ATP8A2: variants seen among roughly 807,000 people sequenced by gnomAD.
ATP8A2 encodes the protein ATPase phospholipid transporting 8A2, also known as phospholipid-transporting ATPase IB.
A neutral mutation model predicts 165.6 loss-of-function variants in ATP8A2; 100 were observed. The ratio of observed to expected loss-of-function variants is 0.60; its 90% confidence interval spans 0.51 to 0.71. The LOEUF is 0.71. ATP8A2 is among the 30% of genes least tolerant of loss of function. ATP8A2 has a pLI of 0.00. For synonymous variants in ATP8A2, 543 were observed against 548.8 expected (o/e 0.99, Z 0.15); for missense variants, 1,227 against 1,479.5 (o/e 0.83, Z 2.80).
chr13:25,715,707 C>T (rs186571021), intron 25 of ATP8A2, among the ~76,000 whole-genome samples: 9 of 152,218 alleles, frequency 5.9e-5, no homozygotes, highest in East Asian at 1.9e-4. Context: ...CATCACTTGG[C>T]GGATAGTTAG....
intron 24 of ATP8A2, among the ~76,000 whole-genome samples, chr13:25,670,968 G>T (rs868392307): frequency 2.6e-5 from 4 of 152,168 alleles, no homozygotes; most frequent in African/African-American, 9.7e-5. Flanking sequence ...TCTTGCTTCA[G>T]CTGTGTCTGC....
intron 16 of ATP8A2, among the ~76,000 whole-genome samples, chr13:25,568,808 G>A (rs1286333409): frequency 6.6e-6 from 1 of 152,012 alleles, no homozygotes; most frequent in Non-Finnish European, 1.5e-5. Flanking sequence ...CATCTAAGAA[G>A]ATACACACAT....
chr13:25,877,475 T>A (rs933329728), intron 33 of ATP8A2, among the ~76,000 whole-genome samples: 3 of 152,242 alleles, frequency 2.0e-5, no homozygotes, highest in Non-Finnish European at 4.4e-5. Flanking sequence ...TGTTTTACTT[T>A]GTTTCATTGA....
intron 33 of ATP8A2, among the ~76,000 whole-genome samples, chr13:25,862,790 G>T (rs1450494293): frequency 6.6e-6 from 1 of 152,070 alleles, no homozygotes; most frequent in African/African-American, 2.4e-5. Flanking sequence ...TTTTGATGTT[G>T]TACTCTGGTT....
chr13:25,627,477 G>T (rs147512214), intron 24 of ATP8A2, among the ~76,000 whole-genome samples: 5 of 152,258 alleles, frequency 3.3e-5, no homozygotes, highest in African/African-American at 4.8e-5. Flanking sequence ...AAATCATAAG[G>T]GTAGAGCCCT....
intron 33 of ATP8A2, among the ~76,000 whole-genome samples, chr13:25,930,854 G>A (rs1438647534): frequency 6.6e-6 from 1 of 152,122 alleles, no homozygotes; most frequent in Non-Finnish European, 1.5e-5. Flanking sequence ...GACCTGTCAC[G>A]CCTCCTCCAC....
intron 27 of ATP8A2, among the ~76,000 whole-genome samples, chr13:25,789,800 G>T (rs935380589): frequency 7.2e-5 from 11 of 152,176 alleles, no homozygotes; most frequent in Admixed American, 6.5e-4. Context: ...AGCGAAGCTG[G>T]ATGCATCAGT....
chr13:25,975,447 T>G (rs9551229), intron 35 of ATP8A2, among the ~76,000 whole-genome samples: 23,739 of 150,840 alleles, frequency 0.16, 2,577 homozygotes, highest in East Asian at 0.55. Context: ...CCGGGTGTGG[T>G]GGCGGGCACC....
intron 28 of ATP8A2, among the ~76,000 whole-genome samples, chr13:25,829,229 A>C (rs1051838235): frequency 6.6e-6 from 1 of 152,164 alleles, no homozygotes; most frequent in African/African-American, 2.4e-5. Flanking sequence ...CCAGATCTTG[A>C]GTTGAAATTG....
intron 27 of ATP8A2, among the ~76,000 whole-genome samples, chr13:25,801,436 A>G (rs556524771): frequency 6.6e-6 from 1 of 152,250 alleles, no homozygotes; most frequent in South Asian, 2.1e-4. Flanking sequence ...TTTGCAGCTC[A>G]TACAGGTAAA....
chr13:25,405,062 C>T (rs2033757239), intron 1 of ATP8A2, among the ~76,000 whole-genome samples: 1 of 152,108 alleles, frequency 6.6e-6, no homozygotes, highest in African/African-American at 2.4e-5. Flanking sequence ...CGAGTGTGCT[C>T]AGCAGGGCCA....
chr13:25,768,391 T>C (rs2044541717), intron 25 of ATP8A2, among the ~76,000 whole-genome samples: 1 of 152,160 alleles, frequency 6.6e-6, no homozygotes, highest in African/African-American at 2.4e-5. Flanking sequence ...GGGGCTGATC[T>C]TCTTGCCCCC....
At chr13:25,686,159 G>T (rs945691760) in intron 24 of ATP8A2, among the ~76,000 whole-genome samples, 2 of 152,184 alleles carry the variant, frequency 1.3e-5, no homozygotes, top group Non-Finnish European at 2.9e-5. Flanking sequence ...ATGCAGGCTT[G>T]GGAGGGAGGG....
At chr13:25,599,829 A>G (rs2138363453) in intron 24 of ATP8A2, among the ~76,000 whole-genome samples, 1 of 152,326 alleles carries the variant, frequency 6.6e-6, no homozygotes, top group African/African-American at 2.4e-5. Context: ...TGGACAGCTA[A>G]TATCTTTTTT....
chr13:25,859,057 G>T (rs576106452), intron 30 of ATP8A2, among the ~76,000 whole-genome samples: 8 of 151,920 alleles, frequency 5.3e-5, no homozygotes, highest in Non-Finnish European at 2.9e-5. Context: ...ACAAAAATTA[G>T]CCAGGCATGG....
chr13:25,807,673 T>C (rs375577260), intron 27 of ATP8A2, among the ~76,000 whole-genome samples: 7 of 152,370 alleles, frequency 4.6e-5, no homozygotes, highest in South Asian at 2.1e-4. Flanking sequence ...ATCCTGTTAC[T>C]GTAAATGTTT....
chr13:25,833,300 A>G (rs747635728), intron 28 of ATP8A2, among the ~76,000 whole-genome samples: 3 of 152,138 alleles, frequency 2.0e-5, no homozygotes, highest in African/African-American at 4.8e-5. Flanking sequence ...ATGATTCCAC[A>G]TAGACTCAAT....
At chr13:25,810,276 T>C (rs1489322590) in intron 27 of ATP8A2, among the ~76,000 whole-genome samples, 1 of 152,180 alleles carries the variant, frequency 6.6e-6, no homozygotes, top group Non-Finnish European at 1.5e-5. Context: ...AAGTTAAAGA[T>C]GAGAATTTGA....
At chr13:25,870,556 G>A (rs1043801126) in intron 33 of ATP8A2, among the ~76,000 whole-genome samples, 1 of 152,178 alleles carries the variant, frequency 6.6e-6, no homozygotes, top group Non-Finnish European at 1.5e-5. Context: ...AGTTACATGT[G>A]TAATGAAGTA....
Sources: allele counts gnomAD v4.1 joint callset (sites outside exome capture counted in the v4.1 genomes callset), GRCh38; gene constraint gnomAD v4.1.1; transcripts MANE v1.5; gene names NCBI Gene and HGNC (gene_info 2026-07-23, HGNC 2026-07-21).